Variants in CRIPTO observed in about 807,000 individuals in gnomAD.
CRIPTO encodes protein Cripto.
At chr3:46,574,694 G>A in the CRIPTO span, 2 of 152,174 alleles carry the variant, frequency 1.3e-5, no homozygotes, top group Non-Finnish European at 2.9e-5. Flanking sequence ...TTAGTTCTAC[G>A]TGTTCTCAAC....
chr3:46,580,079 C>CT, the CRIPTO span: 1 of 1,614,138 alleles, frequency 6.2e-7, no homozygotes, highest in Non-Finnish European at 8.5e-7. Context: ...AGGTTCTCCT[C>CT]TTTCTTTTGC....
chr3:46,579,815 CT>C, the CRIPTO span: 1 of 1,613,806 alleles, frequency 6.2e-7, no homozygotes, highest in African/African-American at 1.3e-5. Flanking sequence ...GCCCTCCCTC[CT>C]TCTACGGACG....
chr3:46,580,069 A>C, the CRIPTO span: 7 of 1,614,142 alleles, frequency 4.3e-6, no homozygotes, highest in Non-Finnish European at 5.1e-6. Flanking sequence ...TGGTAAGCGG[A>C]GGTTCTCCTC....
the CRIPTO span, chr3:46,581,783 T>G: frequency 3.5e-6 from 1 of 287,432 alleles, no homozygotes; most frequent in Non-Finnish European, 6.4e-6. Flanking sequence ...AGTGCTGAGA[T>G]TACACACGTG....
chr3:46,575,251 G>A, the CRIPTO span, among the ~76,000 whole-genome samples: 1 of 152,296 alleles, frequency 6.6e-6, no homozygotes, highest in African/African-American at 2.4e-5. Flanking sequence ...CTCACAGTGG[G>A]GTTACTTCTC....
the CRIPTO span, among the ~76,000 whole-genome samples, chr3:46,576,644 T>C: frequency 6.6e-6 from 1 of 152,020 alleles, no homozygotes; most frequent in Admixed American, 6.6e-5. Context: ...TAAACAGAGA[T>C]GGATGGAAAC....
the CRIPTO span, chr3:46,579,533 A>G: frequency 1.5e-6 from 2 of 1,309,260 alleles, no homozygotes; most frequent in Non-Finnish European, 1.1e-6. Context: ...TTACTTCCCT[A>G]GAGTGCAGTT....
the CRIPTO span, chr3:46,579,552 C>G: frequency 4.1e-6 from 5 of 1,215,148 alleles, no homozygotes; most frequent in Non-Finnish European, 5.9e-6. Flanking sequence ...TTTTCCTCCC[C>G]TGAGTCCACT....
chr3:46,576,367 TTGAGGCAGGAGAA>T, the CRIPTO span, among the ~76,000 whole-genome samples: 24 of 148,976 alleles, frequency 1.6e-4, no homozygotes, highest in African/African-American at 5.0e-4. Flanking sequence ...ACTCAGGAGG[TTGAGGCAGGAGAA>T]TGAGGCAGGA....
At chr3:46,581,415 A>G in the CRIPTO span, 5 of 676,638 alleles carry the variant, frequency 7.4e-6, no homozygotes, top group Non-Finnish European at 1.1e-5. Context: ...TTACAGAACT[A>G]CTTCTTACTT....
At chr3:46,581,331 C>A in the CRIPTO span, 15 of 1,069,386 alleles carry the variant, frequency 1.4e-5, no homozygotes, top group South Asian at 1.9e-4. Flanking sequence ...GCTACAATGT[C>A]CTAACTGAAA....
the CRIPTO span, chr3:46,579,268 G>T: frequency 6.2e-7 from 1 of 1,614,160 alleles, no homozygotes; most frequent in Non-Finnish European, 8.5e-7. Context: ...CCATCTCGGG[G>T]ATACCTGGCC....
At chr3:46,579,683 A>C in the CRIPTO span, 1 of 1,564,572 alleles carries the variant, frequency 6.4e-7, no homozygotes, top group Non-Finnish European at 8.8e-7. Context: ...GCTTACAGGA[A>C]TTGCCCTTGC....
chr3:46,581,060 G>A, the CRIPTO span: 1 of 1,131,608 alleles, frequency 8.8e-7, no homozygotes, highest in Non-Finnish European at 1.3e-6. Context: ...GTATAGATAT[G>A]CCACATTTGT....
chr3:46,581,573 G>A, the CRIPTO span: 590 of 576,716 alleles, frequency 1.0e-3, 2 homozygotes, highest in African/African-American at 8.1e-3. Flanking sequence ...GCAATGACGC[G>A]ATCTTGGTTC....
chr3:46,578,141 C>A, the CRIPTO span: 2 of 876,546 alleles, frequency 2.3e-6, no homozygotes, highest in Non-Finnish European at 3.7e-6. Flanking sequence ...GCTGTTTTTC[C>A]TGAAAGACCT....
At chr3:46,579,382 CT>C in the CRIPTO span, 1 of 1,614,052 alleles carries the variant, frequency 6.2e-7, no homozygotes, top group African/African-American at 1.3e-5. Context: ...AACTGCCTGA[CT>C]TCGATGCTTC....
the CRIPTO span, among the ~76,000 whole-genome samples, chr3:46,575,279 G>A: frequency 3.3e-5 from 5 of 152,256 alleles, no homozygotes; most frequent in African/African-American, 4.8e-5. Context: ...TTTCTCCAGC[G>A]CCAAACTCCA....
chr3:46,578,747 C>T, the CRIPTO span, among the ~76,000 whole-genome samples: 11 of 152,178 alleles, frequency 7.2e-5, no homozygotes, highest in South Asian at 2.3e-3. Flanking sequence ...AATGATTCAT[C>T]GGTAACATGG....
Sources: allele counts gnomAD v4.1 joint callset (sites outside exome capture counted in the v4.1 genomes callset), GRCh38; gene constraint gnomAD v4.1.1; transcripts MANE v1.5; gene names NCBI Gene and HGNC (gene_info 2026-07-23, HGNC 2026-07-21).